The following CNTNAP2 variants were observed in gnomAD, a reference collection of about 807,000 sequenced individuals.
CNTNAP2 encodes the protein contactin associated protein 2, also known as contactin-associated protein-like 2.
A neutral mutation model predicts 155.2 loss-of-function variants in CNTNAP2; 98 were observed. The ratio of observed to expected loss-of-function variants is 0.63; its 90% CI spans 0.54 to 0.75. The LOEUF (loss-of-function observed/expected upper bound fraction) is 0.75. Ranked by LOEUF, CNTNAP2 falls within the 30% of genes least tolerant of loss-of-function variation. CNTNAP2 has a pLI of 0.00. For synonymous variants in CNTNAP2, 651 were observed against 631.2 expected (o/e 1.03, Z -0.47); for missense variants, 1,727 against 1,688.1 (o/e 1.02, Z -0.40).
rs575703129 is a variant in CNTNAP2, at chr7:147,708,387, G to A, written c.2098+69081G>A. On this transcript the variant is annotated intron_variant, in intron 13 of 23. Transcript: ENST00000361727. ...GCCATGACATGCATTGGCTGCAGGT[G>A]AGGAATGTCAATAGGACACCAGGGA... Among the ~76,000 whole-genome samples, 24 of 152,276 alleles carry A rather than the reference G, an allele frequency of 1.6e-4. No homozygotes were observed. The East Asian group carries it at 4.7e-3, about 30-fold the overall frequency.
At chr7:146,999,157 T>G (rs1798374571) in intron 3 of CNTNAP2, among the ~76,000 whole-genome samples, 1 of 151,536 alleles carries the variant, frequency 6.6e-6, no homozygotes. Context: ...TATAGGCTTT[T>G]GAGTTAATGT....
rs1471527513 is a variant in CNTNAP2, at chr7:147,304,549, G to A, written c.1498+4259G>A. Reference sequence around the variant, plus strand: ...AGAAAAAGGAGCTGTGGGCTGAAGAGGAGAGATAAGAAGCTTCTAGAGCCA... The same window carrying A: ...AGAAAAAGGAGCTGTGGGCTGAAGAAGAGAGATAAGAAGCTTCTAGAGCCA... On this transcript the variant is annotated intron_variant, in intron 9 of 23. Coordinates refer to ENST00000361727, the MANE Select transcript of CNTNAP2 (RefSeq NM_014141.6). Among the ~76,000 whole-genome samples the A allele has an allele frequency of 5.3e-5, 8 of 152,260 alleles. No homozygotes were observed. The East Asian group carries it at 9.7e-4, about 18-fold the overall frequency.
chr7:148,262,146 A>AG (rs1796574332), intron 20 of CNTNAP2, among the ~76,000 whole-genome samples: 1 of 152,046 alleles, frequency 6.6e-6, no homozygotes, highest in South Asian at 2.1e-4. Flanking sequence ...TATGGTGGGG[A>AG]GGGTTCAAGG....
intron 13 of CNTNAP2, among the ~76,000 whole-genome samples, chr7:147,658,174 G>A (rs1795554741): frequency 8.1e-6 from 1 of 123,000 alleles, no homozygotes; most frequent in Admixed American, 1.0e-4. Context: ...GGAGAATGGC[G>A]TGAACCCGGG....
chr7:146,352,750 G>T (rs1172764459), intron 1 of CNTNAP2, among the ~76,000 whole-genome samples: 1,303 of 63,592 alleles, frequency 0.02, 6 homozygotes, highest in African/African-American at 0.03. Context: ...GCATAATTCT[G>T]TTTTTTTTTT....
chr7:146,262,735 A>G (rs1322733900), intron 1 of CNTNAP2, among the ~76,000 whole-genome samples: 1 of 152,208 alleles, frequency 6.6e-6, no homozygotes, highest in Non-Finnish European at 1.5e-5. Context: ...GGATGATGTC[A>G]TTGTTTTAGT....
Position 147,925,152 on chromosome 7 carries a change from AGAGAAGGAAGGAAG to A in CNTNAP2, c.2255+21434_2255+21447del, listed in dbSNP as rs1413822889. Among the ~76,000 whole-genome samples, 27 of 107,520 alleles carry A rather than the reference AGAGAAGGAAGGAAG, an allele frequency of 2.5e-4. No individual in the cohort carries two copies. The South Asian group carries it at 2.9e-3, about 12-fold the overall frequency. The allele number at this position is 107,520 out of a possible 152,430, so 70.5% of individuals were successfully genotyped here. A position where few individuals can be genotyped will look rare whatever the true frequency, so the allele number is the denominator to read the frequency against. ...AAAGAGAGAAGAGAGAGAGAGAGAG[AGAGAAGGAAGGAAG>A]GAAGGAAGGAAGGAAGGAAGGAAGG... On this transcript the variant is annotated intron_variant, in intron 14 of 23. Coordinates refer to ENST00000361727, the MANE Select transcript of CNTNAP2 (RefSeq NM_014141.6).
intron 3 of CNTNAP2, among the ~76,000 whole-genome samples, chr7:146,925,060 G>A (rs1245976290): frequency 6.6e-6 from 1 of 152,052 alleles, no homozygotes; most frequent in Admixed American, 6.6e-5. Flanking sequence ...TTGGATGGTT[G>A]TAAGTTCTAG....
At chr7:147,877,136 G>T (rs958797520) in intron 13 of CNTNAP2, among the ~76,000 whole-genome samples, 2 of 150,844 alleles carry the variant, frequency 1.3e-5, no homozygotes, top group Admixed American at 6.5e-5. Flanking sequence ...CACAACGAAG[G>T]CTTTTTTGTG....
chr7:146,571,337 T>C (rs1374328464), intron 1 of CNTNAP2, among the ~76,000 whole-genome samples: 3 of 152,104 alleles, frequency 2.0e-5, no homozygotes, highest in Non-Finnish European at 4.4e-5. Context: ...GAATGATTAT[T>C]TTACATAATT....
rs1795898466 is a variant in CNTNAP2, at chr7:146,897,328, T to C, written c.402+57424T>C. On this transcript the variant is annotated intron_variant, in intron 3 of 23. Coordinates refer to ENST00000361727, the MANE Select transcript of CNTNAP2 (RefSeq NM_014141.6). ...TGAAGTGCAACAATAAGGTAGGCCA[T>C]GTTTGAACTTGGAGGCCAGCATATT... Among the ~76,000 whole-genome samples, 3 of 152,156 alleles carry C rather than the reference T, an allele frequency of 2.0e-5. No individual in the cohort carries two copies. The South Asian group carries it at 6.2e-4, about 31-fold the overall frequency.
intron 8 of CNTNAP2, among the ~76,000 whole-genome samples, chr7:147,239,854 A>G (rs530087308): frequency 6.6e-6 from 1 of 152,320 alleles, no homozygotes; most frequent in South Asian, 2.1e-4. Flanking sequence ...AAGTGGCGAT[A>G]TGAATATGAC....
chr7:146,523,536 A>AT (rs917730175), intron 1 of CNTNAP2, among the ~76,000 whole-genome samples: 73 of 151,110 alleles, frequency 4.8e-4, no homozygotes, highest in Admixed American at 7.3e-4. Context: ...TCCTTAATCT[A>AT]TTTTTTTTTA....
intron 3 of CNTNAP2, among the ~76,000 whole-genome samples, chr7:147,023,823 GTTT>G (rs1258928667): frequency 6.6e-6 from 1 of 152,104 alleles, no homozygotes. Flanking sequence ...AACTTATTTG[GTTT>G]TCACCTTAAA....
intron 1 of CNTNAP2, among the ~76,000 whole-genome samples, chr7:146,643,841 C>A (rs985245893): frequency 6.6e-5 from 10 of 151,520 alleles, no homozygotes; most frequent in African/African-American, 2.4e-4. Flanking sequence ...TTTCCTTGAG[C>A]AGTGGTTTGT....
chr7:148,275,180 A>G (rs1334195429), intron 21 of CNTNAP2, among the ~76,000 whole-genome samples: 1 of 152,224 alleles, frequency 6.6e-6, no homozygotes, highest in Non-Finnish European at 1.5e-5. Flanking sequence ...GGATCATACA[A>G]TGTATCAATA....
At position 147,554,076 on chromosome 7, in the gene CNTNAP2, C is replaced by T. The variant is rs138040088; in HGVS notation, c.1778-8062C>T. 3.4e-3 allele frequency among the ~76,000 whole-genome samples: 524 copies of T among 152,292 alleles called. 1 individual carries two copies. Among genetic ancestry groups the T allele is most frequent in the African/African-American group, 0.012 (501 of 41,568 alleles). On this transcript the variant is annotated intron_variant, in intron 11 of 23. Transcript: ENST00000361727. ...GGATCTGAGCAAGATGAACTGGATG[C>T]TAAGCTTCTTCGTCCAGACCCATTA... is the stretch of plus-strand genomic sequence containing the variant.
intron 21 of CNTNAP2, among the ~76,000 whole-genome samples, chr7:148,371,012 T>C (rs1206536900): frequency 1.3e-5 from 2 of 152,170 alleles, no homozygotes; most frequent in Non-Finnish European, 2.9e-5. Flanking sequence ...CTGCTCAAGA[T>C]GCTCTGTCCA....
intron 12 of CNTNAP2, among the ~76,000 whole-genome samples, chr7:147,599,711 C>T (rs1800907585): frequency 6.6e-6 from 1 of 152,116 alleles, no homozygotes; most frequent in African/African-American, 2.4e-5. Context: ...TCTGTCTTGT[C>T]ATCACATGGT....
Sources: allele counts gnomAD v4.1 joint callset (sites outside exome capture counted in the v4.1 genomes callset), GRCh38; gene constraint gnomAD v4.1.1; transcripts MANE v1.5; gene names NCBI Gene and HGNC (gene_info 2026-07-23, HGNC 2026-07-21).